Variants in ARID4B observed in about 807,000 individuals in gnomAD.
ARID4B encodes the protein AT-rich interaction domain 4B.
A neutral mutation model predicts 147.5 loss-of-function variants in ARID4B; 26 were observed. That is an observed-to-expected ratio of 0.18 (90% CI 0.13 to 0.24). ARID4B has a LOEUF of 0.24. ARID4B is among the 10% of genes least tolerant of loss of function. ARID4B has a pLI of 1.00. For synonymous variants in ARID4B, 512 were observed against 507.9 expected (o/e 1.01, Z -0.11); for missense variants, 1,179 against 1,511.5 (o/e 0.78, Z 3.65).
Position 235,237,857 on chromosome 1 carries a change from T to C in ARID4B, c.585+2456A>G, listed in dbSNP as rs74806674. 3.3e-5 allele frequency among the ~76,000 whole-genome samples: 5 copies of C among 152,040 alleles called. No individual in the cohort carries two copies. In the East Asian group the frequency reaches 5.8e-4, roughly 18 times the overall value. ...CTCAAGCACAAATTGTAGAGAAAAG[T>C]TTATTAATCATCACCGGGTGTGCTG... On this transcript the variant is annotated intron_variant, in intron 8 of 23. Transcript: ENST00000264183.
chr1:235,305,646 C>T (rs956906737), intron 2 of ARID4B, among the ~76,000 whole-genome samples: 14 of 152,078 alleles, frequency 9.2e-5, no homozygotes, highest in Admixed American at 2.6e-4. Context: ...ATGTACCTCT[C>T]AGGGTATTTT....
intron 2 of ARID4B, among the ~76,000 whole-genome samples, chr1:235,308,901 T>C (rs1304005735): frequency 6.6e-6 from 1 of 152,156 alleles, no homozygotes. Context: ...TGCCACCCCA[T>C]CTGGGAAGTG....
At chr1:235,203,093 C>T (rs1314356724) in intron 17 of ARID4B, among the ~76,000 whole-genome samples, 1 of 152,174 alleles carries the variant, frequency 6.6e-6, no homozygotes, top group Non-Finnish European at 1.5e-5. Flanking sequence ...AAGAAGCCAC[C>T]ACACAAATAT....
intron 8 of ARID4B, among the ~76,000 whole-genome samples, chr1:235,238,143 C>CAAAAAA (rs533707841): frequency 4.4e-4 from 36 of 80,910 alleles, no homozygotes; most frequent in African/African-American, 1.4e-3. Context: ...AACTCCATCT[C>CAAAAAA]AAAAAAAAAA....
chr1:235,284,435 T>C (rs569070848), intron 2 of ARID4B, among the ~76,000 whole-genome samples: 2 of 152,344 alleles, frequency 1.3e-5, no homozygotes, highest in African/African-American at 2.4e-5. Flanking sequence ...TGCAATGTGA[T>C]GAATTGATCA....
At chr1:235,252,867 T>A (rs953857731) in intron 5 of ARID4B, 58 bp from the exon 6 acceptor site, 1 of 1,400,816 alleles carries the variant, frequency 7.1e-7, no homozygotes, top group South Asian at 1.2e-5. Context: ...ATCAAAGAGA[T>A]GACATGTATT....
At chr1:235,313,714 G>A (rs1382301696) in intron 2 of ARID4B, among the ~76,000 whole-genome samples, 4 of 152,132 alleles carry the variant, frequency 2.6e-5, no homozygotes, top group African/African-American at 4.8e-5. Flanking sequence ...AAGGAAAGAC[G>A]GGAGCAAATT....
intron 2 of ARID4B, among the ~76,000 whole-genome samples, chr1:235,294,944 C>T (rs1408683098): frequency 3.3e-5 from 5 of 151,468 alleles, no homozygotes; most frequent in Admixed American, 6.6e-5. Context: ...TTTTCAACTG[C>T]TGACATAAAT....
intron 8 of ARID4B, among the ~76,000 whole-genome samples, chr1:235,236,400 G>A (rs923745382): frequency 1.3e-5 from 2 of 151,916 alleles, no homozygotes; most frequent in Non-Finnish European, 2.9e-5. Context: ...AAACTTTTTA[G>A]TGATTATGGT....
rs1664373608 is a variant in ARID4B at position 235,182,349 on chromosome 1, C to T, written c.2570G>A (p.Ser857Asn). Reference protein sequence around the residue: ...KNKESLCMENSSNSSSDEDEE... With the variant: ...KNKESLCMENNSNSSSDEDEE... Reference sequence around the variant, plus strand: ...ATCTTCATCTGAAGAGCTGTTGCTACTGTTTTCCATGCAAAGTGATTCTTT... The same window carrying T: ...ATCTTCATCTGAAGAGCTGTTGCTATTGTTTTCCATGCAAAGTGATTCTTT... The change falls in exon 20 of 24, where the codon AGT becomes AAT. Residue 857 changes from serine to asparagine, a missense_variant. Ser to Asn is a conservative substitution (Grantham distance 46). This residue lies in a region of ARID4B where 321 missense variants were observed against 342.4 expected (regional missense o/e 0.94). Transcript: ENST00000264183. 6.2e-7 allele frequency: 1 copy of T among 1,613,036 alleles called. No individual in the cohort carries two copies.
rs146699059 is a variant in ARID4B, at chr1:235,306,939, C to A, written c.6+19975G>T. 5.9e-3 allele frequency among the ~76,000 whole-genome samples: 895 copies of A among 152,266 alleles called. 12 individuals are homozygous for A. The highest frequency in any genetic ancestry group is 0.021 in the African/African-American group (852 of 41,550). On this transcript the variant is annotated intron_variant, in intron 2 of 23. Transcript: ENST00000264183. ...CCTCCCAAAGTGCTGGGATTACAGG[C>A]ATTAGACACTGTACCATGCCAAATA...
In ARID4B at chr1:235,223,369, G is replaced by GTATATA. The variant is rs201240296; in HGVS notation, c.971-115_971-110dup. ...TATAGTATTTTATATATATATACAC[G>GTATATA]TATATATATATATACACGTATATAT... On this transcript the variant is annotated intron_variant, in intron 12 of 23. Transcript: ENST00000264183. 7.3e-4 allele frequency: 121 copies of GTATATA among 166,100 alleles called. 1 individual carries two copies. The highest frequency in any genetic ancestry group is 6.6e-3 in the Admixed American group (51 of 7,690). 10.3% of individuals were successfully genotyped at this position (166,100 alleles called of 1,614,324 possible).
chr1:235,237,401 T>C (rs1668677042), intron 8 of ARID4B, among the ~76,000 whole-genome samples: 1 of 152,162 alleles, frequency 6.6e-6, no homozygotes, highest in Admixed American at 6.5e-5. Flanking sequence ...ATCCACTAAA[T>C]GTTGGATACA....
chr1:235,210,224 GTCTC>G lies in ARID4B; in HGVS notation c.1841+3541_1841+3544del, dbSNP rs533354954. 2.3e-4 allele frequency among the ~76,000 whole-genome samples: 35 copies of G among 151,982 alleles called. No individual in the cohort carries two copies. The South Asian group carries it at 5.4e-3, about 23-fold the overall frequency. ...TGGGTGACAGAACAAGGTCCTGTCTGTCTCTCTCTTTTTTTTTAATCTGAAATAC... is the reference window on the plus strand; with the variant it reads ...TGGGTGACAGAACAAGGTCCTGTCTGTCTCTTTTTTTTTAATCTGAAATAC... On this transcript the variant is annotated intron_variant, in intron 17 of 23. Coordinates refer to ENST00000264183, the MANE Select transcript of ARID4B (RefSeq NM_016374.6).
intron 17 of ARID4B, 101 bp downstream of exon 17, chr1:235,213,668 T>C (rs1027276888): frequency 1.5e-6 from 2 of 1,303,548 alleles, no homozygotes; most frequent in Admixed American, 4.9e-5. Context: ...TGACCTCAAT[T>C]AGAATACTAA....
intron 13 of ARID4B, among the ~76,000 whole-genome samples, chr1:235,222,745 C>T (rs1394546390): frequency 6.8e-6 from 1 of 147,390 alleles, no homozygotes. Context: ...TCCAGCGGTG[C>T]AATCTTGGTT....
chr1:235,271,544 C>T (rs182252992), intron 2 of ARID4B, among the ~76,000 whole-genome samples: 15 of 151,798 alleles, frequency 9.9e-5, no homozygotes, highest in Admixed American at 9.2e-4. Context: ...GCAGGAGTAT[C>T]ACTTGGACTC....
chr1:235,304,491 C>G (rs910520525), intron 2 of ARID4B, among the ~76,000 whole-genome samples: 3 of 152,130 alleles, frequency 2.0e-5, no homozygotes, highest in Non-Finnish European at 2.9e-5. Context: ...TTTAGAAAAT[C>G]ATGTTAAACA....
At chr1:235,198,008 A>T (rs983687661) in intron 17 of ARID4B, among the ~76,000 whole-genome samples, 1 of 152,238 alleles carries the variant, frequency 6.6e-6, no homozygotes, top group African/African-American at 2.4e-5. Context: ...TGTAGATTTC[A>T]GTATGAACTC....
Sources: gnomAD v4.1 joint callset for allele counts (sites outside exome capture counted in the v4.1 genomes callset) on GRCh38, gnomAD v4.1.1 for gene constraint, gnomAD v4.1.1 regional missense constraint, MANE v1.5 for transcripts, NCBI Gene and HGNC (gene_info 2026-07-23, HGNC 2026-07-21) for gene names.